HS3ST4: variants seen among roughly 807,000 people sequenced by gnomAD.
HS3ST4 encodes heparan sulfate-glucosamine 3-sulfotransferase 4, also known as heparan sulfate glucosamine 3-O-sulfotransferase 4.
HS3ST4 carries 17 observed loss-of-function variants against 29.2 expected under a neutral mutation model. The ratio of observed to expected loss-of-function variants is 0.58; its 90% CI spans 0.40 to 0.87. The LOEUF (loss-of-function observed/expected upper bound fraction) is 0.87. Ranked by LOEUF, HS3ST4 falls within the 40% of genes least tolerant of loss-of-function variation. The pLI, the probability that HS3ST4 is intolerant of heterozygous loss-of-function variation, is 0.00. For synonymous variants in HS3ST4, 314 were observed against 285.7 expected (o/e 1.10, Z -1.00); for missense variants, 627 against 634.5 (o/e 0.99, Z 0.13).
At chr16:25,772,467 C>T (rs769654833) in intron 1 of HS3ST4, among the ~76,000 whole-genome samples, 27 of 152,142 alleles carry the variant, frequency 1.8e-4, no homozygotes, top group African/African-American at 6.3e-4. Context: ...TTTTGTCATC[C>T]GTGATACTGG....
intron 1 of HS3ST4, among the ~76,000 whole-genome samples, chr16:26,012,750 G>C (rs575143531): frequency 6.6e-6 from 1 of 152,284 alleles, no homozygotes; most frequent in South Asian, 2.1e-4. Context: ...GAACTTGGCA[G>C]GTGTTTGATA....
chr16:26,004,470 A>G (rs1215521000), intron 1 of HS3ST4, among the ~76,000 whole-genome samples: 1 of 152,200 alleles, frequency 6.6e-6, no homozygotes, highest in African/African-American at 2.4e-5. Flanking sequence ...TCAATCAGAA[A>G]TAAAGGTAAA....
chr16:25,794,710 A>G (rs1051609760), intron 1 of HS3ST4, among the ~76,000 whole-genome samples: 1 of 151,858 alleles, frequency 6.6e-6, no homozygotes, highest in Non-Finnish European at 1.5e-5. Context: ...TCTATGAGGT[A>G]TTTAGGTGTA....
chr16:25,938,914 C>A (rs368617765), intron 1 of HS3ST4, among the ~76,000 whole-genome samples: 1 of 152,186 alleles, frequency 6.6e-6, no homozygotes, highest in Admixed American at 6.5e-5. Context: ...GCTTATACCC[C>A]CTTTCTCCTG....
At chr16:25,753,290 T>G (rs1156366733) in intron 1 of HS3ST4, among the ~76,000 whole-genome samples, 3 of 152,218 alleles carry the variant, frequency 2.0e-5, no homozygotes, top group Non-Finnish European at 4.4e-5. Flanking sequence ...TTGTCCAACT[T>G]GAGACATTTT....
intron 1 of HS3ST4, among the ~76,000 whole-genome samples, chr16:26,072,986 A>C (rs1162985775): frequency 6.6e-6 from 1 of 152,240 alleles, no homozygotes; most frequent in Admixed American, 6.5e-5. Context: ...AAGAGAAAAG[A>C]GCCTGTTTAT....
At chr16:25,903,414 G>A (rs1968142215) in intron 1 of HS3ST4, among the ~76,000 whole-genome samples, 1 of 143,804 alleles carries the variant, frequency 7.0e-6, no homozygotes, top group Admixed American at 7.1e-5. Flanking sequence ...ACACAATTTG[G>A]ACTCTCATGT....
intron 1 of HS3ST4, among the ~76,000 whole-genome samples, chr16:25,965,053 C>A (rs546563086): frequency 1.3e-5 from 2 of 152,098 alleles, no homozygotes; most frequent in African/African-American, 4.8e-5. Flanking sequence ...CACATGTTCA[C>A]GCGAGACATT....
rs1966868342 is a variant in HS3ST4 at position 25,791,131 on chromosome 16, C to T, written c.734+97980C>T. On this transcript the variant is annotated intron_variant, in intron 1 of 1. Coordinates refer to ENST00000331351, the MANE Select transcript of HS3ST4 (RefSeq NM_006040.3). ...ATGGGGTATCCATGTGATATAGAATCATTTATTAAAAATCCACTTTCCCCG... is the reference window on the plus strand; with the variant it reads ...ATGGGGTATCCATGTGATATAGAATTATTTATTAAAAATCCACTTTCCCCG... Among the ~76,000 whole-genome samples the T allele has an allele frequency of 2.0e-5, 3 of 151,714 alleles. No individual in the cohort carries two copies. The South Asian group carries it at 6.3e-4, about 32-fold the overall frequency.
At chr16:25,919,295 G>A (rs1219711132) in intron 1 of HS3ST4, among the ~76,000 whole-genome samples, 1 of 152,100 alleles carries the variant, frequency 6.6e-6, no homozygotes, top group African/African-American at 2.4e-5. Flanking sequence ...CTTCCAAAGT[G>A]TTGGGATTAC....
intron 1 of HS3ST4, among the ~76,000 whole-genome samples, chr16:25,991,743 C>T (rs556861640): frequency 2.0e-5 from 3 of 151,952 alleles, no homozygotes; most frequent in East Asian, 1.9e-4. Flanking sequence ...GTTTGGGGGC[C>T]GGGTGCGGTG....
intron 1 of HS3ST4, among the ~76,000 whole-genome samples, chr16:26,096,446 G>A (rs11641404): frequency 0.19 from 28,228 of 151,978 alleles, 3,161 homozygotes; most frequent in Non-Finnish European, 0.25. Context: ...CAACATATGC[G>A]AATCAATAAA....
chr16:26,136,484 A>G lies in HS3ST4; in HGVS notation c.*236A>G, dbSNP rs757780344. ...GCAGCATCTGGTTGACCAGATGGCCACCAGAACCCACTGTTCATTCTTATC... is the reference window on the plus strand; with the variant it reads ...GCAGCATCTGGTTGACCAGATGGCCGCCAGAACCCACTGTTCATTCTTATC... On this transcript the variant is annotated 3_prime_UTR_variant, in exon 2 of 2. Transcript: ENST00000331351. 1.8e-6 allele frequency: 1 copy of G among 565,542 alleles called. No individual in the cohort carries two copies. The highest frequency in any genetic ancestry group is 2.9e-5 in the East Asian group (1 of 33,994). The allele number at this position is 565,542 out of a possible 1,614,324, so 35.0% of individuals were successfully genotyped here.
intron 1 of HS3ST4, among the ~76,000 whole-genome samples, chr16:26,043,711 C>A (rs1321143033): frequency 1.3e-5 from 2 of 152,200 alleles, no homozygotes; most frequent in Non-Finnish European, 2.9e-5. Context: ...CCCTTATGAA[C>A]TGGCTTGGTT....
intron 1 of HS3ST4, among the ~76,000 whole-genome samples, chr16:25,982,656 C>T (rs1050545503): frequency 2.6e-5 from 4 of 152,102 alleles, no homozygotes; most frequent in African/African-American, 7.2e-5. Flanking sequence ...AGTGAGACCA[C>T]ATCTCTACGA....
At chr16:26,083,154 A>G (rs764581671) in intron 1 of HS3ST4, among the ~76,000 whole-genome samples, 1 of 152,218 alleles carries the variant, frequency 6.6e-6, no homozygotes, top group South Asian at 2.1e-4. Flanking sequence ...GCCCTCTGAC[A>G]GCACATAGAA....
chr16:25,781,798 A>G (rs934553044), intron 1 of HS3ST4, among the ~76,000 whole-genome samples: 1 of 152,162 alleles, frequency 6.6e-6, no homozygotes, highest in Non-Finnish European at 1.5e-5. Context: ...ATGTTTGAAG[A>G]TGATGCACAG....
Position 25,970,778 on chromosome 16 carries a change from T to C in HS3ST4, c.735-164834T>C, listed in dbSNP as rs190148946. Among the ~76,000 whole-genome samples the C allele has an allele frequency of 3.0e-3, 459 of 152,196 alleles. 1 individual carries two copies. The highest frequency in any genetic ancestry group is 0.01 in the Middle Eastern group (3 of 292). ...AGTGATCCTCCTGCCTTCACCCATT[T>C]TTTTCTTTCATTTATTCATTCATTC... On this transcript the variant is annotated intron_variant, in intron 1 of 1. Coordinates refer to ENST00000331351, the MANE Select transcript of HS3ST4 (RefSeq NM_006040.3).
chr16:25,909,115 G>A (rs577784496), intron 1 of HS3ST4, among the ~76,000 whole-genome samples: 8 of 152,294 alleles, frequency 5.3e-5, no homozygotes, highest in East Asian at 3.9e-4. Context: ...CACACTAGTC[G>A]CCTAGGGATG....
Sources: gnomAD v4.1 joint callset for allele counts (sites outside exome capture counted in the v4.1 genomes callset) on GRCh38, gnomAD v4.1.1 for gene constraint, MANE v1.5 for transcripts, NCBI Gene and HGNC (gene_info 2026-07-23, HGNC 2026-07-21) for gene names.